The following TBC1D22B variants were observed in gnomAD, a reference collection of about 807,000 sequenced individuals.
The protein encoded by TBC1D22B is chromosome 6 open reading frame 197.
A neutral mutation model predicts 69.1 loss-of-function variants in TBC1D22B; 32 were observed. That is an observed-to-expected ratio of 0.46 (90% CI 0.35 to 0.62). TBC1D22B has a LOEUF of 0.62. TBC1D22B is among the 20% of genes least tolerant of loss of function. The pLI is 0.00. For synonymous variants in TBC1D22B, 206 were observed against 229.8 expected, an observed-to-expected ratio of 0.90 and a Z score of 0.94; for missense variants, 462 against 630.9, an observed-to-expected ratio of 0.73 and a Z score of 2.87.
At chr6:37,283,909 T>C (rs1158752306) in intron 5 of TBC1D22B, among the ~76,000 whole-genome samples, 1 of 152,264 alleles carries the variant, frequency 6.6e-6, no homozygotes, top group African/African-American at 2.4e-5. Flanking sequence ...ACCAACTTAC[T>C]TGGCACACTG....
chr6:37,310,767 T>C (rs1194748031), intron 8 of TBC1D22B, among the ~76,000 whole-genome samples: 2 of 152,262 alleles, frequency 1.3e-5, no homozygotes, highest in East Asian at 3.8e-4. Flanking sequence ...GTCTTCTTTA[T>C]TCTTTTTTGG....
chr6:37,295,771 T>C (rs1767343943), intron 8 of TBC1D22B: 5 of 255,884 alleles, frequency 2.0e-5, no homozygotes, highest in Admixed American at 4.5e-5. Context: ...CTCACAATCA[T>C]AGCAGAAGAC....
intron 1 of TBC1D22B, among the ~76,000 whole-genome samples, chr6:37,264,542 C>T (rs1357445469): frequency 6.6e-6 from 1 of 152,184 alleles, no homozygotes; most frequent in Non-Finnish European, 1.5e-5. Flanking sequence ...AACTGCTGGA[C>T]TCAAGTGATC....
intron 8 of TBC1D22B, among the ~76,000 whole-genome samples, chr6:37,302,441 A>G (rs1311171324): frequency 2.0e-5 from 3 of 152,212 alleles, no homozygotes; most frequent in Non-Finnish European, 4.4e-5. Flanking sequence ...GAGGTCCAAT[A>G]TAATTGACCA....
intron 2 of TBC1D22B, among the ~76,000 whole-genome samples, chr6:37,277,411 C>T (rs559559971): frequency 1.3e-4 from 19 of 151,752 alleles, no homozygotes; most frequent in East Asian, 7.7e-4. Context: ...GAGTCCAGAA[C>T]GTGCAGCCTC....
chr6:37,314,023 C>A, intron 10 of TBC1D22B, 132 bp downstream of exon 10: 1 of 781,598 alleles, frequency 1.3e-6, no homozygotes, highest in Non-Finnish European at 2.2e-6. Context: ...GTGCTGCTGG[C>A]AGCACCGGGA....
intron 6 of TBC1D22B, 150 bp downstream of exon 6, chr6:37,284,614 T>G (rs1477707907): frequency 2.2e-6 from 2 of 929,896 alleles, no homozygotes; most frequent in Non-Finnish European, 3.0e-6. Context: ...GTTTCCCCTC[T>G]TTTCATTCAG....
At chr6:37,291,104 T>G in intron 7 of TBC1D22B, 139 bp from the exon 8 acceptor site, 1 of 651,834 alleles carries the variant, frequency 1.5e-6, no homozygotes, top group South Asian at 1.8e-5. Context: ...ATTTATATAC[T>G]TCTTTATCCC....
chr6:37,306,068 C>T (rs186266204), intron 8 of TBC1D22B, among the ~76,000 whole-genome samples: 2 of 152,280 alleles, frequency 1.3e-5, no homozygotes, highest in East Asian at 3.9e-4. Context: ...AGTCAGGATG[C>T]TGAGCTGCTT....
chr6:37,289,740 T>C (rs531772904), intron 7 of TBC1D22B, among the ~76,000 whole-genome samples: 102 of 152,342 alleles, frequency 6.7e-4, no homozygotes, highest in Non-Finnish European at 1.3e-3. Context: ...CAGGGAATTA[T>C]TGAGATTTTC....
intron 8 of TBC1D22B, among the ~76,000 whole-genome samples, chr6:37,294,377 T>G (rs1432556908): frequency 6.6e-6 from 1 of 152,164 alleles, no homozygotes; most frequent in African/African-American, 2.4e-5. Flanking sequence ...CTTGGTATGT[T>G]GCCCAGGCTG....
chr6:37,283,610 C>T (rs530164493), intron 5 of TBC1D22B, among the ~76,000 whole-genome samples: 21 of 152,356 alleles, frequency 1.4e-4, no homozygotes, highest in Non-Finnish European at 2.6e-4. Flanking sequence ...TGACTGCTCG[C>T]CCCCACCTCT....
intron 2 of TBC1D22B, among the ~76,000 whole-genome samples, chr6:37,274,550 G>A (rs1766602996): frequency 6.6e-6 from 1 of 152,158 alleles, no homozygotes; most frequent in Non-Finnish European, 1.5e-5. Flanking sequence ...ATGACCTTGG[G>A]CACATTACTG....
intron 1 of TBC1D22B, 99 bp from the exon 2 acceptor site, chr6:37,269,495 T>G: frequency 9.0e-7 from 1 of 1,112,886 alleles, no homozygotes; most frequent in African/African-American, 1.5e-5. Context: ...AACCTATTTA[T>G]CAAAGTCTCA....
intron 10 of TBC1D22B, among the ~76,000 whole-genome samples, chr6:37,316,393 G>T (rs1037932279): frequency 1.3e-5 from 2 of 152,192 alleles, no homozygotes; most frequent in Non-Finnish European, 2.9e-5. Flanking sequence ...GAGTACTAAG[G>T]TTGAGCAGCC....
At chr6:37,292,200 A>G (rs1039208000) in intron 8 of TBC1D22B, among the ~76,000 whole-genome samples, 8 of 152,328 alleles carry the variant, frequency 5.3e-5, no homozygotes, top group African/African-American at 9.6e-5. Context: ...AGGCAGAGCT[A>G]GAACTAAAAC....
intron 5 of TBC1D22B, among the ~76,000 whole-genome samples, chr6:37,283,879 T>C (rs1200976697): frequency 1.3e-5 from 2 of 152,220 alleles, no homozygotes; most frequent in African/African-American, 4.8e-5. Flanking sequence ...AAAGTTACAC[T>C]GGAAAAGAAT....
intron 8 of TBC1D22B, among the ~76,000 whole-genome samples, chr6:37,303,898 T>C (rs2113769126): frequency 6.6e-6 from 1 of 151,904 alleles, no homozygotes; most frequent in Non-Finnish European, 1.5e-5. Context: ...GCTAGTTGTT[T>C]GTGTTTCCCT....
intron 3 of TBC1D22B, among the ~76,000 whole-genome samples, chr6:37,281,917 C>A (rs886252204): frequency 6.6e-6 from 1 of 152,170 alleles, no homozygotes; most frequent in Non-Finnish European, 1.5e-5. Flanking sequence ...CAAAAAAGTT[C>A]TCAAAAGTTG....
Sources: allele counts gnomAD v4.1 joint callset (sites outside exome capture counted in the v4.1 genomes callset), GRCh38; gene constraint gnomAD v4.1.1; transcripts MANE v1.5; gene names NCBI Gene and HGNC (gene_info 2026-07-23, HGNC 2026-07-21).